TRERF1: variants seen among roughly 807,000 people sequenced by gnomAD.
TRERF1 encodes the protein transcriptional regulating factor 1.
Under a neutral mutation model 122.9 loss-of-function variants are expected in TRERF1, and 27 were observed. The observed-to-expected ratio is 0.22, with a 90% CI of 0.16 to 0.30. The LOEUF (loss-of-function observed/expected upper bound fraction) is 0.30. Ranked by LOEUF, TRERF1 falls within the 10% of genes least tolerant of loss-of-function variation. The pLI is 1.00. For synonymous variants in TRERF1, 636 were observed against 641.7 expected (o/e 0.99, Z 0.13); for missense variants, 1,248 against 1,560.3 (o/e 0.80, Z 3.37).
chr6:42,406,658 G>C (rs1479135459), intron 2 of TRERF1, among the ~76,000 whole-genome samples: 1 of 152,092 alleles, frequency 6.6e-6, no homozygotes, highest in African/African-American at 2.4e-5. Context: ...CCCCCATACT[G>C]CATCTTAGCC....
chr6:42,317,484 A>T (rs1015536903), intron 3 of TRERF1, among the ~76,000 whole-genome samples: 1 of 151,856 alleles, frequency 6.6e-6, no homozygotes, highest in East Asian at 1.9e-4. Flanking sequence ...CCTCTCAAGA[A>T]GCTGGGACTA....
chr6:42,318,173 T>C (rs1335270904), intron 3 of TRERF1, among the ~76,000 whole-genome samples: 1 of 151,968 alleles, frequency 6.6e-6, no homozygotes, highest in African/African-American at 2.4e-5. Flanking sequence ...AAAAAAGCTC[T>C]TTGTAAATAC....
intron 3 of TRERF1, among the ~76,000 whole-genome samples, chr6:42,338,405 C>T (rs564093503): frequency 8.5e-5 from 13 of 152,080 alleles, no homozygotes; most frequent in Non-Finnish European, 1.8e-4. Context: ...CCCGCACACA[C>T]GCATGTGCAC....
At chr6:42,239,181 G>A (rs1276092435) in intron 15 of TRERF1, among the ~76,000 whole-genome samples, 1 of 152,192 alleles carries the variant, frequency 6.6e-6, no homozygotes, top group Non-Finnish European at 1.5e-5. Flanking sequence ...AATGGACTGT[G>A]CTGTAGGTAA....
intron 2 of TRERF1, among the ~76,000 whole-genome samples, chr6:42,418,218 C>CTTTTTTTTTTTTTTTTTTTTTT (rs34388801): frequency 2.9e-5 from 1 of 34,664 alleles, no homozygotes; most frequent in Non-Finnish European, 5.0e-5. Flanking sequence ...TTTTTCTTTC[C>CTTTTTTTTTTTTTTTTTTTTTT]TTTTTTTTTT....
intron 2 of TRERF1, among the ~76,000 whole-genome samples, chr6:42,418,838 C>T (rs188309996): frequency 1.3e-5 from 2 of 152,336 alleles, no homozygotes; most frequent in Non-Finnish European, 2.9e-5. Flanking sequence ...CCACCCCCTG[C>T]ATTTCACAAC....
chr6:42,374,908 G>A (rs375358506), intron 2 of TRERF1, among the ~76,000 whole-genome samples: 3 of 151,468 alleles, frequency 2.0e-5, no homozygotes, highest in East Asian at 3.9e-4. Context: ...CTATTCAGGA[G>A]GCTGAAGCAT....
At position 42,421,658 on chromosome 6, in the gene TRERF1, C is replaced by T. The variant is rs190654459; in HGVS notation, c.-454+29519G>A. On this transcript the variant is annotated intron_variant, in intron 2 of 17. Transcript: ENST00000372922. ...GCATGGTGGTGCACGCCTGTAGTCC[C>T]GGCTAATCGGGAGGCTGAGGCAGGA... Among the ~76,000 whole-genome samples, 435 of 152,000 alleles carry T rather than the reference C, an allele frequency of 2.9e-3. 4 individuals are homozygous for T. Among genetic ancestry groups the T allele is most frequent in the South Asian group, 0.015 (71 of 4,790 alleles).
intron 4 of TRERF1, among the ~76,000 whole-genome samples, chr6:42,283,688 C>T (rs1392543923): frequency 6.9e-6 from 1 of 144,954 alleles, no homozygotes; most frequent in East Asian, 2.0e-4. Flanking sequence ...ACGATCTCGG[C>T]TCACCACAAC....
intron 2 of TRERF1, among the ~76,000 whole-genome samples, chr6:42,370,975 G>C (rs541578659): frequency 3.0e-4 from 46 of 152,222 alleles, no homozygotes; most frequent in African/African-American, 1.1e-3. Context: ...CTCTGCAAAG[G>C]GGAGCAGCCA....
chr6:42,366,212 C>T (rs1772699840), intron 2 of TRERF1, among the ~76,000 whole-genome samples: 1 of 152,212 alleles, frequency 6.6e-6, no homozygotes, highest in African/African-American at 2.4e-5. Context: ...CAAGAGCTCC[C>T]TGTGCCCATG....
At chr6:42,416,297 T>A (rs1346413925) in intron 2 of TRERF1, among the ~76,000 whole-genome samples, 2 of 152,230 alleles carry the variant, frequency 1.3e-5, no homozygotes, top group African/African-American at 4.8e-5. Flanking sequence ...GGGATTTTAA[T>A]GGGAATGCAT....
Position 42,264,870 on chromosome 6 carries a change from G to C in TRERF1, c.1485-16C>G, listed in dbSNP as rs780314437. On this transcript the variant is annotated splice_polypyrimidine_tract_variant and intron_variant, in intron 6 of 17. Coordinates refer to ENST00000372922, the Ensembl canonical transcript of TRERF1. ...GGGTTGGCCACTGCTCAAGGGAAGAGTCAAATGGAGAGGACACATACGTTG... is the reference window on the plus strand; with the variant it reads ...GGGTTGGCCACTGCTCAAGGGAAGACTCAAATGGAGAGGACACATACGTTG... 1 of 1,613,672 alleles carries C rather than the reference G, an allele frequency of 6.2e-7. No individual in the cohort carries two copies. Among genetic ancestry groups the C allele is most frequent in the Non-Finnish European group, 8.5e-7 (1 of 1,179,774 alleles).
chr6:42,334,386 A>C (rs1765774888), intron 3 of TRERF1, among the ~76,000 whole-genome samples: 1 of 152,236 alleles, frequency 6.6e-6, no homozygotes, highest in Non-Finnish European at 1.5e-5. Flanking sequence ...CTGAAGTCCC[A>C]ACTCTAATAG....
chr6:42,326,094 A>G (rs181320690), intron 3 of TRERF1, among the ~76,000 whole-genome samples: 77 of 152,276 alleles, frequency 5.1e-4, no homozygotes, highest in African/African-American at 1.8e-3. Flanking sequence ...GATGAGTTCA[A>G]TTGAAACCCA....
chr6:42,354,286 C>T (rs1230856011), intron 3 of TRERF1, among the ~76,000 whole-genome samples: 1 of 151,914 alleles, frequency 6.6e-6, no homozygotes, highest in Non-Finnish European at 1.5e-5. Context: ...CTCAAGTGTT[C>T]TAACAAGGTT....
intron 2 of TRERF1, among the ~76,000 whole-genome samples, chr6:42,365,046 T>A (rs931842946): frequency 6.6e-6 from 1 of 152,020 alleles, no homozygotes; most frequent in African/African-American, 2.4e-5. Flanking sequence ...GGAACCTGAG[T>A]GGGCTCGCCG....
intron 3 of TRERF1, among the ~76,000 whole-genome samples, chr6:42,322,200 T>C (rs1169188681): frequency 6.6e-6 from 1 of 152,042 alleles, no homozygotes. Flanking sequence ...ATAATACAAC[T>C]TTGTTGTGAG....
intron 15 of TRERF1, among the ~76,000 whole-genome samples, chr6:42,240,106 T>C (rs934311752): frequency 2.0e-5 from 3 of 152,230 alleles, no homozygotes; most frequent in African/African-American, 7.2e-5. Context: ...GCCTCTGCCT[T>C]GTGTGGAAAC....
Sources: gnomAD v4.1 joint callset for allele counts (sites outside exome capture counted in the v4.1 genomes callset) on GRCh38, gnomAD v4.1.1 for gene constraint, MANE v1.5 for transcripts, NCBI Gene and HGNC (gene_info 2026-07-23, HGNC 2026-07-21) for gene names.